The following USH2A variants were observed in gnomAD, a reference collection of about 807,000 sequenced individuals.
USH2A encodes Usher syndrome 2A (autosomal recessive, mild).
In USH2A, 443 loss-of-function variants were observed where a neutral mutation model predicts 538.9. The ratio of observed to expected loss-of-function variants is 0.82; its 90% CI spans 0.76 to 0.89. The LOEUF (loss-of-function observed/expected upper bound fraction) is 0.89. USH2A is among the 40% of genes least tolerant of loss of function. USH2A has a pLI of 0.00. For missense variants in USH2A, 6,633 were observed against 6,324.8 expected, an observed-to-expected ratio of 1.05 and a Z score of -1.65; for synonymous variants, 2,413 against 2,273.5, an observed-to-expected ratio of 1.06 and a Z score of -1.75.
chr1:216,016,260 T>C (rs1668709317), intron 32 of USH2A, among the ~76,000 whole-genome samples: 1 of 152,012 alleles, frequency 6.6e-6, no homozygotes, highest in Admixed American at 6.6e-5. Flanking sequence ...AGTTAACAAG[T>C]GCATCACACC....
intron 20 of USH2A, among the ~76,000 whole-genome samples, chr1:216,188,061 G>A (rs2034643200): frequency 1.3e-5 from 2 of 151,940 alleles, no homozygotes; most frequent in Admixed American, 1.3e-4. Context: ...AAAATAGAGA[G>A]AGGATTCAGA....
intron 2 of USH2A, 30 bp from the exon 3 acceptor site, chr1:216,418,709 G>T (rs371961889): frequency 6.2e-7 from 1 of 1,611,876 alleles, no homozygotes; most frequent in Non-Finnish European, 8.5e-7. Flanking sequence ...AGAGAGAAAA[G>T]GTCAGCATCC....
At chr1:216,196,767 G>A (rs368485976) in intron 18 of USH2A, 45 bp from the exon 19 acceptor site, 99 of 1,577,938 alleles carry the variant, frequency 6.3e-5, no homozygotes, top group East Asian at 7.0e-5. Flanking sequence ...AATGAATGTC[G>A]TCCCTATATA....
chr1:215,635,438 T>C (rs945739508), intron 69 of USH2A, among the ~76,000 whole-genome samples: 2 of 152,172 alleles, frequency 1.3e-5, no homozygotes, highest in African/African-American at 4.8e-5. Context: ...ATGAAGTTAG[T>C]ATTAATAAAA....
chr1:215,942,796 A>G (rs916195681), intron 37 of USH2A, among the ~76,000 whole-genome samples: 1 of 152,198 alleles, frequency 6.6e-6, no homozygotes, highest in African/African-American at 2.4e-5. Context: ...ATCCTCTCCA[A>G]TATGTAGAGA....
chr1:215,780,136 G>T (rs1661587717), intron 54 of USH2A, 95 bp from the exon 55 acceptor site: 3 of 1,384,020 alleles, frequency 2.2e-6, no homozygotes, highest in Non-Finnish European at 3.0e-6. Context: ...ATGTTGTCTG[G>T]CCTGGCATAT....
At chr1:215,836,462 T>A (rs1318167801) in intron 47 of USH2A, among the ~76,000 whole-genome samples, 1 of 34,440 alleles carries the variant, frequency 2.9e-5, no homozygotes, top group East Asian at 7.4e-4. Flanking sequence ...TGTGTATATA[T>A]ATTATATATA....
intron 40 of USH2A, among the ~76,000 whole-genome samples, chr1:215,889,858 T>C (rs1024255721): frequency 9.9e-5 from 15 of 152,182 alleles, no homozygotes; most frequent in Admixed American, 9.2e-4. Flanking sequence ...AATTTCACCA[T>C]GCGACACAAT....
intron 22 of USH2A, among the ~76,000 whole-genome samples, chr1:216,092,195 A>G (rs2032318724): frequency 6.6e-6 from 1 of 152,198 alleles, no homozygotes; most frequent in South Asian, 2.1e-4. Flanking sequence ...GTCAATGGTC[A>G]TTTATTTACT....
At chr1:216,299,459 A>C (rs1418770610) in intron 9 of USH2A, among the ~76,000 whole-genome samples, 2 of 152,128 alleles carry the variant, frequency 1.3e-5, no homozygotes, top group African/African-American at 4.8e-5. Context: ...TTTACTAATA[A>C]TAACAATAAT....
At chr1:215,978,415 G>T (rs1233430466) in intron 35 of USH2A, among the ~76,000 whole-genome samples, 1 of 152,056 alleles carries the variant, frequency 6.6e-6, no homozygotes, top group African/African-American at 2.4e-5. Context: ...AATTTCACTT[G>T]AATTAAGAAC....
At chr1:216,249,077 T>G (rs535232021) in intron 12 of USH2A, among the ~76,000 whole-genome samples, 1 of 152,232 alleles carries the variant, frequency 6.6e-6, no homozygotes, top group Non-Finnish European at 1.5e-5. Context: ...GGGCTTCTTT[T>G]TTTTTCATAT....
chr1:216,398,170 A>T (rs377145023), intron 3 of USH2A, among the ~76,000 whole-genome samples: 1 of 152,184 alleles, frequency 6.6e-6, no homozygotes, highest in Non-Finnish European at 1.5e-5. Context: ...ATAACACTAC[A>T]TGACTTCTGA....
At chr1:215,870,974 T>C (rs1020382721) in intron 43 of USH2A, among the ~76,000 whole-genome samples, 1 of 152,196 alleles carries the variant, frequency 6.6e-6, no homozygotes, top group African/African-American at 2.4e-5. Context: ...TCTCTAGGCA[T>C]GTCTTGAAAA....
chr1:216,205,766 T>C (rs1453754364), intron 16 of USH2A, among the ~76,000 whole-genome samples: 2 of 152,110 alleles, frequency 1.3e-5, no homozygotes, highest in Non-Finnish European at 2.9e-5. Flanking sequence ...TGTTCCGAGG[T>C]TTCTTAAACT....
chr1:216,034,102 A>C (rs542536076), intron 32 of USH2A, among the ~76,000 whole-genome samples: 1 of 148,020 alleles, frequency 6.8e-6, no homozygotes, highest in Admixed American at 6.7e-5. Context: ...TCTGAAGACA[A>C]GGACTACTGA....
At chr1:216,092,147 C>A (rs184378580) in intron 22 of USH2A, among the ~76,000 whole-genome samples, 6 of 152,266 alleles carry the variant, frequency 3.9e-5, no homozygotes, top group Non-Finnish European at 8.8e-5. Flanking sequence ...GTAGTAGTAT[C>A]CTACCAACAG....
intron 14 of USH2A, among the ~76,000 whole-genome samples, chr1:216,225,830 C>G (rs1296599127): frequency 3.3e-5 from 5 of 152,066 alleles, no homozygotes; most frequent in Non-Finnish European, 7.4e-5. Context: ...TCTGTGCTGA[C>G]TATATTAAAA....
At chr1:215,810,713 A>G (rs1159102225) in intron 49 of USH2A, among the ~76,000 whole-genome samples, 1 of 152,180 alleles carries the variant, frequency 6.6e-6, no homozygotes, top group African/African-American at 2.4e-5. Flanking sequence ...AACTCCCCAA[A>G]TTTAAGTTAC....
Sources: gnomAD v4.1 joint callset for allele counts (sites outside exome capture counted in the v4.1 genomes callset) on GRCh38, gnomAD v4.1.1 for gene constraint, MANE v1.5 for transcripts, NCBI Gene and HGNC (gene_info 2026-07-23, HGNC 2026-07-21) for gene names.